The following FBLN1 variants were observed in gnomAD, a reference collection of about 807,000 sequenced individuals.
FBLN1 encodes fibulin-1.
Under a neutral mutation model 89.7 loss-of-function variants are expected in FBLN1, and 34 were observed. The observed-to-expected ratio is 0.38, with a 90% CI of 0.29 to 0.50. The LOEUF (loss-of-function observed/expected upper bound fraction) is 0.50, where lower values mean the gene tolerates loss of function less well. Ranked by LOEUF, FBLN1 falls within the 20% of genes least tolerant of loss-of-function variation. FBLN1 has a pLI of 0.92. For missense variants in FBLN1, 777 were observed against 988.1 expected (o/e 0.79, Z 2.86); for synonymous variants, 393 against 391.3 (o/e 1.00, Z -0.05).
chr22:45,565,373 G>C (rs745935650), intron 14 of FBLN1: 2 of 1,009,702 alleles, frequency 2.0e-6, no homozygotes, highest in Non-Finnish European at 2.6e-6. Flanking sequence ...TTGTACCCTG[G>C]CCCCACGGGG....
chr22:45,575,681 T>C lies in FBLN1; in HGVS notation c.1840+1028T>C, dbSNP rs553968547. Among the ~76,000 whole-genome samples the C allele has an allele frequency of 3.9e-5, 6 of 152,194 alleles. No individual in the cohort carries two copies. In the South Asian group the frequency reaches 1.2e-3, roughly 32 times the overall value. On this transcript the variant is annotated intron_variant, in intron 15 of 16. Transcript: ENST00000327858. The surrounding 1 kb of genome is among the most constrained non-coding windows in gnomAD (Gnocchi z 6.3). Reference sequence around the variant, plus strand: ...TCTCTAGGAAGCTCCTGGCATGCAGTGTAGTCATGTTGTGTAACCTGCCAT... The same window carrying C: ...TCTCTAGGAAGCTCCTGGCATGCAGCGTAGTCATGTTGTGTAACCTGCCAT...
intron 1 of FBLN1, among the ~76,000 whole-genome samples, chr22:45,504,887 T>C (rs2087997708): frequency 6.6e-6 from 1 of 152,314 alleles, no homozygotes; most frequent in Admixed American, 6.5e-5. Context: ...GAGAAGTCTC[T>C]TTGAGTTTCA....
rs2088868946 is a variant in FBLN1, at chr22:45,563,117, G to A, written c.1698-11394G>A. ...GGAGGGCTTTTTCACCACCCGGAAG[G>A]TGAGCCCCCACAGTGGGGTGGTGGC... On this transcript the variant is annotated intron_variant, in intron 14 of 16. Transcript: ENST00000327858. The surrounding 1 kb of genome is among the most constrained non-coding windows in gnomAD (Gnocchi z 5.7). 22 of 1,613,356 alleles carry A rather than the reference G, an allele frequency of 1.4e-5. No homozygotes were observed. Among genetic ancestry groups the A allele is most frequent in the Non-Finnish European group, 1.7e-5 (20 of 1,179,988 alleles).
chr22:45,507,774 T>C (rs5765435), intron 1 of FBLN1, among the ~76,000 whole-genome samples: 80,906 of 152,004 alleles, frequency 0.53, 21,960 homozygotes, highest in East Asian at 0.8. Flanking sequence ...GTGATCCACC[T>C]GTCTCGGCCT....
chr22:45,558,696 A>G (rs2088818755), intron 14 of FBLN1: 2 of 152,470 alleles, frequency 1.3e-5, no homozygotes. Context: ...TGTTGCCTCC[A>G]AAATCCAATA....
At chr22:45,511,880 C>T (rs895073487) in intron 1 of FBLN1, among the ~76,000 whole-genome samples, 3 of 152,142 alleles carry the variant, frequency 2.0e-5, no homozygotes, top group Non-Finnish European at 4.4e-5. Context: ...TGAAGGTTAA[C>T]GAGATTTTGC....
chr22:45,584,692 G>C (rs1485518831), intron 16 of FBLN1, among the ~76,000 whole-genome samples: 3 of 151,080 alleles, frequency 2.0e-5, no homozygotes, highest in African/African-American at 7.4e-5. Flanking sequence ...CTGGGAGGAA[G>C]AAGTTTGGAA....
rs1054154314 is a variant in FBLN1 at position 45,546,987 on chromosome 22, G to C, written c.1322-98G>C. 62 of 1,575,304 alleles carry C rather than the reference G, an allele frequency of 3.9e-5. No individual in the cohort carries two copies. The African/African-American group carries it at 5.9e-4, about 15-fold the overall frequency. ...TCTCTCCGAGTGTGTTAACCTGAGG[G>C]AGGTGGAGAGGAGATTTTCTGTTCA... On this transcript the variant is annotated intron_variant, in intron 11 of 16. Transcript: ENST00000327858.
intron 16 of FBLN1, among the ~76,000 whole-genome samples, chr22:45,587,445 G>A (rs996422797): frequency 2.6e-5 from 4 of 151,746 alleles, no homozygotes; most frequent in African/African-American, 9.7e-5. Flanking sequence ...CCCGGCCAGA[G>A]AGACATCCTC....
At chr22:45,514,296 C>T (rs1397563350) in intron 1 of FBLN1, among the ~76,000 whole-genome samples, 1 of 152,160 alleles carries the variant, frequency 6.6e-6, no homozygotes, top group Non-Finnish European at 1.5e-5. Flanking sequence ...GTGGGCTACA[C>T]ACATCTTTAA....
At position 45,576,044 on chromosome 22, in the gene FBLN1, G is replaced by A. The variant is rs184692700; in HGVS notation, c.1841-933G>A. On this transcript the variant is annotated intron_variant, in intron 15 of 16. Coordinates refer to ENST00000327858, the MANE Select transcript of FBLN1 (RefSeq NM_006486.3). This position sits in a 1 kb window ranked among gnomAD's most constrained non-coding sequence, Gnocchi z 5.2. The stretch of plus-strand genomic sequence containing the variant: ...CACCATGACACAACCATGCGGGGGG[G>A]TGGGGGGAGGAGAGGCTCCCTCAGC... Among the ~76,000 whole-genome samples the A allele has an allele frequency of 1.2e-3, 185 of 152,258 alleles. No individual in the cohort carries two copies. The highest frequency in any genetic ancestry group is 6.8e-3 in the Middle Eastern group (2 of 294).
chr22:45,539,355 C>T (rs1290950143), intron 8 of FBLN1, among the ~76,000 whole-genome samples: 1 of 151,594 alleles, frequency 6.6e-6, no homozygotes, highest in Non-Finnish European at 1.5e-5. Flanking sequence ...TGCCCACAAC[C>T]ATGCCTGGCT....
chr22:45,554,574 A>G (rs1293009419), intron 14 of FBLN1, among the ~76,000 whole-genome samples: 2 of 152,254 alleles, frequency 1.3e-5, no homozygotes, highest in Non-Finnish European at 2.9e-5. Context: ...AGGAGGTAAA[A>G]GGAGACCCCA....
Position 45,563,447 on chromosome 22 carries a change from C to T in FBLN1, c.1698-11064C>T. The stretch of plus-strand genomic sequence containing the variant: ...GGGTGAGCTGGGCACTGGCCACCGC[C>T]TGGTACCCCCGAGGGCTGACTGAGG... On this transcript the variant is annotated intron_variant, in intron 14 of 16. Coordinates refer to ENST00000327858, the MANE Select transcript of FBLN1 (RefSeq NM_006486.3). The surrounding 1 kb of genome is among the most constrained non-coding windows in gnomAD (Gnocchi z 5.7). 1 of 1,375,054 alleles carries T rather than the reference C, an allele frequency of 7.3e-7. No individual in the cohort carries two copies. Among genetic ancestry groups the T allele is most frequent in the African/African-American group, 1.4e-5 (1 of 69,488 alleles). 85.2% of individuals were successfully genotyped at this position (1,375,054 alleles called of 1,614,324 possible). A position where few individuals can be genotyped will look rare whatever the true frequency, so the allele number is the denominator to read the frequency against.
At chr22:45,518,231 A>G (rs1339087601) in intron 1 of FBLN1, among the ~76,000 whole-genome samples, 2 of 151,688 alleles carry the variant, frequency 1.3e-5, no homozygotes, top group African/African-American at 2.4e-5. Context: ...TCTCCTCTGG[A>G]AAGAGTCATG....
rs11912731 is a variant in FBLN1, at chr22:45,528,014, C to A, written c.484+5C>A. ...TCGGGGGCCTCCAAGAAACGGGTAA[C>A]TTTCCCCCTTCCTTCCCTAATGAGC... is the stretch of plus-strand genomic sequence containing the variant. On this transcript the variant is annotated splice_donor_5th_base_variant and intron_variant, in intron 4 of 16. Coordinates refer to ENST00000327858, the MANE Select transcript of FBLN1 (RefSeq NM_006486.3). 6,231 of 1,614,152 alleles carry A rather than the reference C, an allele frequency of 3.9e-3. 236 individuals are homozygous for A. The African/African-American group carries it at 0.075, about 19-fold the overall frequency.
Position 45,535,236 on chromosome 22 carries a change from T to A in FBLN1, c.821T>A (p.Leu274His), listed in dbSNP as rs762466706. ...DECESGIHNCLPDFICQNTLG... is the reference protein window; with the variant it reads ...DECESGIHNCHPDFICQNTLG... ...TGTGAGAGTGGTATTCATAACTGCC[T>A]CCCCGATTTTATCTGTCAGAATACT... is the stretch of plus-strand genomic sequence containing the variant. The change falls in exon 8 of 17, where the codon CTC becomes CAC. Residue 274 changes from leucine (L) to histidine (H), a missense_variant. Coordinates refer to ENST00000327858, the MANE Select transcript of FBLN1 (RefSeq NM_006486.3). The A allele has an allele frequency of 1.2e-6, 2 of 1,614,170 alleles. No individual in the cohort carries two copies. The highest frequency in any genetic ancestry group is 1.7e-6 in the Non-Finnish European group (2 of 1,180,014).
At position 45,572,629 on chromosome 22, in the gene FBLN1, A is replaced by G. The variant is rs2088960903; in HGVS notation, c.1698-1882A>G. 1.3e-5 allele frequency among the ~76,000 whole-genome samples: 2 copies of G among 152,268 alleles called. No homozygotes were observed. Among genetic ancestry groups the G allele is most frequent in the Admixed American group, 6.5e-5 (1 of 15,288 alleles). On this transcript the variant is annotated intron_variant, in intron 14 of 16. Coordinates refer to ENST00000327858, the MANE Select transcript of FBLN1 (RefSeq NM_006486.3). The surrounding 1 kb of genome is among the most constrained non-coding windows in gnomAD (Gnocchi z 5.8). ...GGAAGTGAAGTGGTAGAACCAGACT[A>G]TCGGCATTTTGCAATCCTTGATGAA...
rs1264193600 is a variant in FBLN1 at position 45,588,340 on chromosome 22, G to A, written c.1972+11232G>A. Among the ~76,000 whole-genome samples the A allele has an allele frequency of 6.6e-6, 1 of 152,186 alleles. No homozygotes were observed. The highest frequency in any genetic ancestry group is 1.5e-5 in the Non-Finnish European group (1 of 68,024). On this transcript the variant is annotated intron_variant, in intron 16 of 16. Transcript: ENST00000327858. This position sits in a 1 kb window ranked among gnomAD's most constrained non-coding sequence, Gnocchi z 5.1. ...CTGTCGTGAACCAGAGCAGATAAAT[G>A]CTTGTGCTGGGGGGAGGGGTGTCGT...
Sources: gnomAD v4.1 joint callset for allele counts (sites outside exome capture counted in the v4.1 genomes callset) on GRCh38, gnomAD v4.1.1 for gene constraint, Gnocchi (gnomAD v3.1) non-coding constraint, MANE v1.5 for transcripts, NCBI Gene and HGNC (gene_info 2026-07-23, HGNC 2026-07-21) for gene names.